HIVEP3: variants seen among roughly 807,000 people sequenced by gnomAD.
The protein encoded by HIVEP3 is HIVEP zinc finger 3.
HIVEP3 carries 49 observed loss-of-function variants against 152.8 expected under a neutral mutation model. That is an observed-to-expected ratio of 0.32 (90% CI 0.26 to 0.41). The LOEUF is 0.41. Ranked by LOEUF, HIVEP3 falls within the 10% of genes least tolerant of loss-of-function variation. The pLI is 1.00. For synonymous variants in HIVEP3, 1,269 were observed against 1,289.0 expected (o/e 0.98, Z 0.33); for missense variants, 2,790 against 3,103.3 (o/e 0.90, Z 2.40).
At chr1:41,631,364 G>A (rs1273315852) in intron 2 of HIVEP3, among the ~76,000 whole-genome samples, 3 of 152,118 alleles carry the variant, frequency 2.0e-5, no homozygotes, top group Non-Finnish European at 4.4e-5. Context: ...TAATGAGTCC[G>A]TACATGGAAA....
chr1:41,893,393 G>GC (rs948446526), intron 1 of HIVEP3, among the ~76,000 whole-genome samples: 2 of 152,126 alleles, frequency 1.3e-5, no homozygotes, highest in South Asian at 2.1e-4. Flanking sequence ...GGGCAGTTTA[G>GC]CCCCCCTAGG....
At position 41,555,452 on chromosome 1, in the gene HIVEP3, C is replaced by T. The variant is rs187595948; in HGVS notation, c.5207+20092G>A. Among the ~76,000 whole-genome samples, 169 of 152,266 alleles carry T rather than the reference C, an allele frequency of 1.1e-3. 7 individuals are homozygous for T. In the East Asian group the frequency reaches 0.031, roughly 28 times the overall value. On this transcript the variant is annotated intron_variant, in intron 5 of 8. Coordinates refer to ENST00000372583, the MANE Select transcript of HIVEP3 (RefSeq NM_024503.5). Reference sequence around the variant, plus strand: ...AAATCCCCTGACCCCTTGCACTTCCCGGGTGAGGCGATGCCCTGCCCTGCT... The same window carrying T: ...AAATCCCCTGACCCCTTGCACTTCCTGGGTGAGGCGATGCCCTGCCCTGCT...
At chr1:41,588,975 G>C (rs888421850) in intron 3 of HIVEP3, among the ~76,000 whole-genome samples, 1 of 152,196 alleles carries the variant, frequency 6.6e-6, no homozygotes, top group Non-Finnish European at 1.5e-5. Context: ...GGAGACTTCT[G>C]TCTTGGAATG....
chr1:41,703,099 C>T (rs1472733770), intron 1 of HIVEP3, among the ~76,000 whole-genome samples: 1 of 152,170 alleles, frequency 6.6e-6, no homozygotes, highest in Admixed American at 6.5e-5. Context: ...ACATTACTGA[C>T]AATCCATTCT....
In HIVEP3 at chr1:41,975,192, A is replaced by C. The variant is rs375332769; in HGVS notation, n.120-56668T>G. 7.9e-5 allele frequency among the ~76,000 whole-genome samples: 12 copies of C among 152,276 alleles called. No individual in the cohort carries two copies. In the East Asian group the frequency reaches 2.3e-3, roughly 29 times the overall value. ...TGGGATCAGCAGGGGCCTCACTGTG[A>C]ATAACATCACAGTTCAACTGCCCCC... On this transcript the variant is annotated intron_variant and non_coding_transcript_variant, in intron 1 of 3. Transcript: ENST00000489103.
intron 3 of HIVEP3, among the ~76,000 whole-genome samples, chr1:41,595,914 G>A (rs746596190): frequency 6.6e-6 from 1 of 152,126 alleles, no homozygotes. Context: ...ACCTCACCTT[G>A]TGATTGTGTG....
chr1:41,750,431 C>A (rs1294033866), intron 1 of HIVEP3, among the ~76,000 whole-genome samples: 1 of 152,216 alleles, frequency 6.6e-6, no homozygotes, highest in Non-Finnish European at 1.5e-5. Flanking sequence ...TAATCCAAGG[C>A]TTCCTAAGCT....
At chr1:41,757,091 A>AATT (rs147789740) in intron 1 of HIVEP3, among the ~76,000 whole-genome samples, 4,787 of 136,460 alleles carry the variant, frequency 0.035, 111 homozygotes, top group African/African-American at 0.065. Flanking sequence ...GTCTCTAAAA[A>AATT]ATTATTATTA....
rs368703108 is a variant in HIVEP3 at position 41,581,566 on chromosome 1, T to G, written c.3232A>C (p.Lys1078Gln). 2 of 1,609,448 alleles carry G rather than the reference T, an allele frequency of 1.2e-6. No homozygotes were observed. Among genetic ancestry groups the G allele is most frequent in the Non-Finnish European group, 1.7e-6 (2 of 1,178,354 alleles). Residue 1078 changes from lysine to glutamine, a missense_variant, in exon 4 of 9, where the codon AAA becomes CAA. Around this residue, in one of 9 missense-constraint regions of HIVEP3, gnomAD observed 1,078 missense variants for 1,165.3 expected, o/e 0.93. Transcript: ENST00000372583. The surrounding 1 kb of genome is among the most constrained non-coding windows in gnomAD (Gnocchi z 4.5). Reference protein sequence around the residue: ...ESEEPQPSSSKPSAKSSLSQI... With the variant: ...ESEEPQPSSSQPSAKSSLSQI... ...GACAATGAGCTTTTGGCAGAGGGTT[T>G]ACTGGATGAGGGCTGTGGTTCTTCG...
intron 1 of HIVEP3, among the ~76,000 whole-genome samples, chr1:41,901,406 C>T (rs1016090168): frequency 1.3e-5 from 2 of 152,082 alleles, no homozygotes; most frequent in Admixed American, 1.3e-4. Context: ...GGGGACGTGA[C>T]ACCTTCACCT....
chr1:41,701,024 T>G, intron 1 of HIVEP3, 29 bp from the exon 2 acceptor site: 1 of 929,336 alleles, frequency 1.1e-6, no homozygotes, highest in Non-Finnish European at 1.3e-6. Flanking sequence ...GTGAGAATAT[T>G]ATGCCACCGC....
intron 1 of HIVEP3, among the ~76,000 whole-genome samples, chr1:41,721,951 C>T (rs1646679664): frequency 1.3e-5 from 2 of 152,194 alleles, no homozygotes; most frequent in Admixed American, 6.5e-5. Context: ...GGACATTTTC[C>T]TAGAGGAGTG....
intron 3 of HIVEP3, among the ~76,000 whole-genome samples, chr1:41,620,818 G>A (rs1231757500): frequency 6.6e-6 from 1 of 152,138 alleles, no homozygotes; most frequent in African/African-American, 2.4e-5. Flanking sequence ...TTTCCTTCAA[G>A]CAAACAGAAA....
chr1:41,728,849 G>A (rs757985336), intron 1 of HIVEP3, among the ~76,000 whole-genome samples: 1 of 152,184 alleles, frequency 6.6e-6, no homozygotes, highest in Non-Finnish European at 1.5e-5. Flanking sequence ...GGTGTCAGAA[G>A]GCACAGGCTA....
intron 1 of HIVEP3, among the ~76,000 whole-genome samples, chr1:41,881,394 C>G (rs1164375743): frequency 6.6e-6 from 1 of 152,182 alleles, no homozygotes; most frequent in Non-Finnish European, 1.5e-5. Context: ...TGAACCCAGG[C>G]CAATCTGACT....
At chr1:41,593,576 T>C (rs1306500496) in intron 3 of HIVEP3, among the ~76,000 whole-genome samples, 1 of 152,242 alleles carries the variant, frequency 6.6e-6, no homozygotes, top group Non-Finnish European at 1.5e-5. Flanking sequence ...AAGCTTTTCA[T>C]GGGGACTGGC....
At chr1:41,804,443 CATTTT>C (rs1193574683) in intron 1 of HIVEP3, among the ~76,000 whole-genome samples, 1 of 152,238 alleles carries the variant, frequency 6.6e-6, no homozygotes, top group Non-Finnish European at 1.5e-5. Flanking sequence ...TGGCTGTGCC[CATTTT>C]ACAGCTGAAG....
rs138740754 is a variant in HIVEP3 at position 41,807,326 on chromosome 1, C to T, written c.-800-106331G>A. Among the ~76,000 whole-genome samples the T allele has an allele frequency of 1.9e-3, 288 of 152,264 alleles. 3 individuals are homozygous for T. The highest frequency in any genetic ancestry group is 6.8e-3 in the African/African-American group (281 of 41,550). Reference sequence around the variant, plus strand: ...AAGTGCAAACATATGACCCTGTCATCTGTTAGGCCTTGAGGTAGATCCTGG... The same window carrying T: ...AAGTGCAAACATATGACCCTGTCATTTGTTAGGCCTTGAGGTAGATCCTGG... On this transcript the variant is annotated intron_variant, in intron 1 of 8. Coordinates refer to ENST00000372583, the MANE Select transcript of HIVEP3 (RefSeq NM_024503.5).
At chr1:41,641,828 T>A (rs111760824) in intron 2 of HIVEP3, among the ~76,000 whole-genome samples, 34 of 152,274 alleles carry the variant, frequency 2.2e-4, no homozygotes, top group African/African-American at 8.2e-4. Context: ...TGGGATGCCA[T>A]TTTTAGGGTG....
Sources: allele counts gnomAD v4.1 joint callset (sites outside exome capture counted in the v4.1 genomes callset), GRCh38; gene constraint gnomAD v4.1.1; regional missense constraint gnomAD v4.1.1; non-coding constraint Gnocchi (gnomAD v3.1); transcripts MANE v1.5; gene names NCBI Gene and HGNC (gene_info 2026-07-23, HGNC 2026-07-21).